Variants in DEPDC1B observed in about 807,000 individuals in gnomAD.
DEPDC1B encodes the protein DEP domain-containing protein 1B.
In DEPDC1B, 51 loss-of-function variants were observed where a neutral mutation model predicts 66.5. That is an observed-to-expected ratio of 0.77 (90% CI 0.61 to 0.97). DEPDC1B has a LOEUF of 0.97. Ranked by LOEUF, DEPDC1B falls within the 50% of genes least tolerant of loss-of-function variation. The probability of loss-of-function intolerance (pLI) is 0.00; values close to 1 mark genes in which losing one functional copy is unlikely to be tolerated. For missense variants in DEPDC1B, 552 were observed against 637.1 expected (o/e 0.87, Z 1.44); for synonymous variants, 226 against 223.6 (o/e 1.01, Z -0.10).
intron 7 of DEPDC1B, among the ~76,000 whole-genome samples, chr5:60,633,326 A>T (rs780470172): frequency 1.3e-5 from 2 of 151,612 alleles, no homozygotes; most frequent in Non-Finnish European, 2.9e-5. Flanking sequence ...CTCCTTCCTT[A>T]CTCTGGTGAC....
At chr5:60,656,483 A>T (rs1753579500) in intron 2 of DEPDC1B, among the ~76,000 whole-genome samples, 1 of 148,314 alleles carries the variant, frequency 6.7e-6, no homozygotes, top group African/African-American at 2.4e-5. Flanking sequence ...TTCTGTCTTG[A>T]TGATTTGTTT....
At chr5:60,641,539 G>A (rs1753192192) in intron 6 of DEPDC1B, among the ~76,000 whole-genome samples, 1 of 151,876 alleles carries the variant, frequency 6.6e-6, no homozygotes, top group African/African-American at 2.4e-5. Flanking sequence ...TGTTAGCCAG[G>A]ATGGTCTCCA....
intron 7 of DEPDC1B, among the ~76,000 whole-genome samples, chr5:60,633,140 T>C (rs958177115): frequency 6.6e-6 from 1 of 152,232 alleles, no homozygotes; most frequent in Non-Finnish European, 1.5e-5. Context: ...GGCTAGGGGA[T>C]AACTTGCCCA....
intron 2 of DEPDC1B, among the ~76,000 whole-genome samples, chr5:60,683,900 TAA>T (rs1282813931): frequency 6.6e-6 from 1 of 151,888 alleles, no homozygotes; most frequent in East Asian, 1.9e-4. Flanking sequence ...ATAAATTCAA[TAA>T]AGTTATAGGA....
At chr5:60,691,201 G>A (rs1392831244) in intron 1 of DEPDC1B, among the ~76,000 whole-genome samples, 2 of 152,040 alleles carry the variant, frequency 1.3e-5, no homozygotes, top group Non-Finnish European at 1.5e-5. Context: ...TTACAGGCAT[G>A]CGCCACCACA....
intron 7 of DEPDC1B, among the ~76,000 whole-genome samples, chr5:60,632,937 G>A (rs912273889): frequency 6.6e-6 from 1 of 152,236 alleles, no homozygotes; most frequent in Non-Finnish European, 1.5e-5. Flanking sequence ...GACGCCAGCA[G>A]AATAAGCCAC....
chr5:60,603,650 T>C, intron 8 of DEPDC1B, 83 bp from the exon 9 acceptor site: 4 of 1,391,442 alleles, frequency 2.9e-6, no homozygotes, highest in East Asian at 2.4e-5. Flanking sequence ...AAGGCAAATA[T>C]GAGAAATGGT....
chr5:60,683,262 T>A (rs1754338453), intron 2 of DEPDC1B, among the ~76,000 whole-genome samples: 1 of 152,070 alleles, frequency 6.6e-6, no homozygotes, highest in Non-Finnish European at 1.5e-5. Context: ...AAACCCTGTC[T>A]CTACAAAATT....
At chr5:60,603,966 A>G (rs1752258902) in intron 8 of DEPDC1B, among the ~76,000 whole-genome samples, 1 of 151,580 alleles carries the variant, frequency 6.6e-6, no homozygotes, top group East Asian at 1.9e-4. Flanking sequence ...GTCAATTATT[A>G]TTTATCCTAA....
intron 7 of DEPDC1B, among the ~76,000 whole-genome samples, chr5:60,614,442 C>G (rs1443202737): frequency 6.6e-6 from 1 of 152,146 alleles, no homozygotes; most frequent in East Asian, 1.9e-4. Context: ...TCTGCTTCAG[C>G]CTTCCAAGGA....
chr5:60,682,121 C>G (rs925917768), intron 2 of DEPDC1B, among the ~76,000 whole-genome samples: 2 of 152,060 alleles, frequency 1.3e-5, no homozygotes, highest in African/African-American at 4.8e-5. Context: ...ACCCAAATGT[C>G]CAACAATTGA....
intron 2 of DEPDC1B, among the ~76,000 whole-genome samples, chr5:60,662,489 A>C (rs1753742144): frequency 6.6e-6 from 1 of 152,164 alleles, no homozygotes; most frequent in African/African-American, 2.4e-5. Context: ...ATCAAGAGGA[A>C]CAGGTGGAAC....
chr5:60,649,446 T>A (rs1222529890), intron 2 of DEPDC1B, among the ~76,000 whole-genome samples: 1 of 152,144 alleles, frequency 6.6e-6, no homozygotes, highest in Non-Finnish European at 1.5e-5. Context: ...AGGTGTGCTA[T>A]CTATTTTCAC....
At chr5:60,608,902 A>C (rs1752363839) in intron 7 of DEPDC1B, among the ~76,000 whole-genome samples, 1 of 152,148 alleles carries the variant, frequency 6.6e-6, no homozygotes, top group Non-Finnish European at 1.5e-5. Context: ...TGAGGCCAGG[A>C]GCTTAAGACC....
chr5:60,672,636 TC>T (rs1278462547), intron 2 of DEPDC1B, among the ~76,000 whole-genome samples: 1 of 152,094 alleles, frequency 6.6e-6, no homozygotes, highest in Non-Finnish European at 1.5e-5. Context: ...CAGAGGCAAA[TC>T]ATGTCATACC....
intron 2 of DEPDC1B, among the ~76,000 whole-genome samples, chr5:60,665,951 A>C (rs993950440): frequency 7.2e-5 from 11 of 152,226 alleles, no homozygotes; most frequent in Non-Finnish European, 1.5e-4. Flanking sequence ...GCATTCCAGC[A>C]GGGAGCAGCA....
At chr5:60,631,006 C>T (rs1752911834) in intron 7 of DEPDC1B, 2 of 155,874 alleles carry the variant, frequency 1.3e-5, no homozygotes, top group South Asian at 2.1e-4. Flanking sequence ...GAGAATGTGT[C>T]TTCAGTGGTC....
intron 7 of DEPDC1B, among the ~76,000 whole-genome samples, chr5:60,620,327 G>A (rs904812541): frequency 6.6e-6 from 1 of 152,122 alleles, no homozygotes; most frequent in African/African-American, 2.4e-5. Flanking sequence ...CACAGCAAAA[G>A]CAACTACCAT....
At chr5:60,691,363 CT>C (rs1266983745) in intron 1 of DEPDC1B, among the ~76,000 whole-genome samples, 1 of 152,084 alleles carries the variant, frequency 6.6e-6, no homozygotes, top group Non-Finnish European at 1.5e-5. Flanking sequence ...ACTTTTTCTA[CT>C]TTTTTTAACC....
Sources: gnomAD v4.1 joint callset for allele counts (sites outside exome capture counted in the v4.1 genomes callset) on GRCh38, gnomAD v4.1.1 for gene constraint, MANE v1.5 for transcripts, NCBI Gene and HGNC (gene_info 2026-07-23, HGNC 2026-07-21) for gene names.